The following TRMT9B variants were observed in gnomAD, a reference collection of about 807,000 sequenced individuals.
TRMT9B encodes probable tRNA methyltransferase 9B.
Under a neutral mutation model 11.5 loss-of-function variants are expected in TRMT9B, and 16 were observed. The ratio of observed to expected loss-of-function variants is 1.39; its 90% CI spans 0.94 to 2.11. The LOEUF is 2.11. TRMT9B is among the 30% of genes most tolerant of loss of function. The pLI, the probability that TRMT9B is intolerant of heterozygous loss-of-function variation, is 0.00. For synonymous variants in TRMT9B, 274 were observed against 192.4 expected (o/e 1.42, Z -3.51); for missense variants, 941 against 553.8 (o/e 1.70, Z -7.02).
intron 1 of TRMT9B, among the ~76,000 whole-genome samples, chr8:12,968,790 T>C (rs1169407833): frequency 6.6e-6 from 1 of 152,132 alleles, no homozygotes; most frequent in African/African-American, 2.4e-5. Flanking sequence ...AGGTGCAGTA[T>C]GGTGGGTAGA....
chr8:13,004,559 C>T (rs1202543024), intron 2 of TRMT9B, among the ~76,000 whole-genome samples: 2 of 151,974 alleles, frequency 1.3e-5, no homozygotes, highest in Admixed American at 1.3e-4. Flanking sequence ...CTAGACACAC[C>T]CTGGGCCAGA....
intron 1 of TRMT9B, among the ~76,000 whole-genome samples, chr8:12,966,613 A>G (rs1198223585): frequency 6.6e-6 from 1 of 152,208 alleles, no homozygotes; most frequent in East Asian, 1.9e-4. Flanking sequence ...ATTTATTTAA[A>G]TTGGTCTAAA....
chr8:12,970,942 A>T, intron 1 of TRMT9B, among the ~76,000 whole-genome samples: 1 of 152,360 alleles, frequency 6.6e-6, no homozygotes, highest in Non-Finnish European at 1.5e-5. Context: ...TCAGTCTTAA[A>T]AGAGGAGAGG....
chr8:13,008,808 A>C (rs1033322343), intron 3 of TRMT9B, among the ~76,000 whole-genome samples: 3 of 152,092 alleles, frequency 2.0e-5, no homozygotes, highest in African/African-American at 2.4e-5. Context: ...GGCTCACTGC[A>C]AGCTCCGCCT....
intron 2 of TRMT9B, among the ~76,000 whole-genome samples, chr8:12,998,171 C>T (rs1370858951): frequency 6.6e-6 from 1 of 152,198 alleles, no homozygotes; most frequent in Non-Finnish European, 1.5e-5. Flanking sequence ...ACTACGAATA[C>T]TTCTTCACAC....
At position 13,012,828 on chromosome 8, in the gene TRMT9B, A is replaced by G. The variant is rs780120998; in HGVS notation, c.299A>G (p.Glu100Gly). 5 of 1,613,902 alleles carry G rather than the reference A, an allele frequency of 3.1e-6. No homozygotes were observed. In the Admixed American group the frequency reaches 8.3e-5, roughly 27 times the overall value. Residue 100 changes from glutamate (E) to glycine (G), a missense_variant, in exon 4 of 5, where the codon GAG (glutamate) becomes GGG (glycine). Coordinates refer to ENST00000524591, the MANE Select transcript of TRMT9B (RefSeq NM_020844.3). ...AACCTTAATCTCCCCTTTAGGGATGAGGGCTTCGATGCCATCATCTCCATA... is the reference window on the plus strand; with the variant it reads ...AACCTTAATCTCCCCTTTAGGGATGGGGGCTTCGATGCCATCATCTCCATA... Reference protein sequence around the residue: ...CDNLNLPFRDEGFDAIISIGV... With the variant: ...CDNLNLPFRDGGFDAIISIGV...
intron 1 of TRMT9B, among the ~76,000 whole-genome samples, chr8:12,958,033 C>T (rs1801541914): frequency 1.3e-5 from 2 of 152,056 alleles, no homozygotes; most frequent in Non-Finnish European, 2.9e-5. Flanking sequence ...CCGTTTTCAC[C>T]CGGCTGATAA....
chr8:12,995,763 C>A (rs1400958587), intron 2 of TRMT9B, among the ~76,000 whole-genome samples: 1 of 151,976 alleles, frequency 6.6e-6, no homozygotes, highest in Non-Finnish European at 1.5e-5. Flanking sequence ...CCAATTAGAC[C>A]CAAGTCATTG....
At position 13,021,746 on chromosome 8, in the gene TRMT9B, G is replaced by C; in HGVS notation, c.1067G>C (p.Gly356Ala). 2 of 1,613,974 alleles carry C rather than the reference G, an allele frequency of 1.2e-6. No homozygotes were observed. Among genetic ancestry groups the C allele is most frequent in the Middle Eastern group, 1.6e-4 (1 of 6,062 alleles). ...GGNFLDSTNT[G>A]VNCVDAGNIE... is the part of the protein sequence containing the mutation. The stretch of plus-strand genomic sequence containing the variant: ...AATTTTCTGGATAGCACTAATACTG[G>C]TGTGAATTGTGTGGATGCAGGCAAC... The change falls in exon 5 of 5, where the codon GGT (glycine) becomes GCT (alanine). Residue 356 changes from glycine to alanine, a missense_variant. Physicochemically the swap from Gly to Ala is moderately conservative, Grantham distance 60. Transcript: ENST00000524591.
chr8:13,008,394 C>G (rs1297116094), intron 3 of TRMT9B, among the ~76,000 whole-genome samples: 1 of 152,152 alleles, frequency 6.6e-6, no homozygotes, highest in Non-Finnish European at 1.5e-5. Context: ...GGAAAGGACA[C>G]TTGATTACGG....
chr8:12,988,618 C>G (rs955298088), intron 1 of TRMT9B, among the ~76,000 whole-genome samples: 3 of 152,144 alleles, frequency 2.0e-5, no homozygotes, highest in African/African-American at 7.2e-5. Context: ...GAAAAAATTC[C>G]CTTATAAAAC....
intron 1 of TRMT9B, among the ~76,000 whole-genome samples, chr8:12,957,567 A>G (rs1801475079): frequency 6.6e-6 from 1 of 152,192 alleles, no homozygotes; most frequent in African/African-American, 2.4e-5. Context: ...TAGGGTGATC[A>G]GATGACTTAT....
intron 1 of TRMT9B, among the ~76,000 whole-genome samples, chr8:12,974,258 T>C (rs934461801): frequency 6.6e-6 from 1 of 151,938 alleles, no homozygotes; most frequent in African/African-American, 2.4e-5. Flanking sequence ...TCCCATTAAC[T>C]ACTGAGTTGG....
chr8:12,997,571 C>T (rs1255008595), intron 2 of TRMT9B, among the ~76,000 whole-genome samples: 1 of 152,172 alleles, frequency 6.6e-6, no homozygotes, highest in Non-Finnish European at 1.5e-5. Context: ...CATATGGTTG[C>T]AAACTTCCAT....
At chr8:12,987,152 G>C (rs1478947034) in intron 1 of TRMT9B, among the ~76,000 whole-genome samples, 1 of 152,144 alleles carries the variant, frequency 6.6e-6, no homozygotes, top group Non-Finnish European at 1.5e-5. Flanking sequence ...AATTATCTGG[G>C]TTCAAATCCT....
At chr8:12,982,825 G>C (rs944541247) in intron 1 of TRMT9B, among the ~76,000 whole-genome samples, 3 of 152,120 alleles carry the variant, frequency 2.0e-5, no homozygotes, top group Non-Finnish European at 4.4e-5. Context: ...CATGTGACTG[G>C]TTGCAGTCAA....
chr8:13,022,163 A>G lies in TRMT9B; in HGVS notation c.*119A>G, dbSNP rs1814071383. 2.9e-6 allele frequency: 2 copies of G among 698,400 alleles called. No individual in the cohort carries two copies. Among genetic ancestry groups the G allele is most frequent in the East Asian group, 5.8e-5 (2 of 34,756 alleles). 43.3% of individuals were successfully genotyped at this position (698,400 alleles called of 1,614,324 possible). A position where few individuals can be genotyped will look rare whatever the true frequency, so the allele number is the denominator to read the frequency against. On this transcript the variant is annotated 3_prime_UTR_variant, in exon 5 of 5. Coordinates refer to ENST00000524591, the MANE Select transcript of TRMT9B (RefSeq NM_020844.3). The stretch of plus-strand genomic sequence containing the variant: ...TTAATCCATTTACGCTTTGGTCTGC[A>G]GAGACTATTAATTATTTGGTTGTTT...
At chr8:12,949,466 C>A (rs536470876) in intron 1 of TRMT9B, among the ~76,000 whole-genome samples, 1 of 152,230 alleles carries the variant, frequency 6.6e-6, no homozygotes, top group Admixed American at 6.5e-5. Flanking sequence ...CTCTGGTGTA[C>A]AAATTTTCTT....
In TRMT9B at chr8:13,022,989, A is replaced by T. The variant is rs1201366479; in HGVS notation, c.*945A>T. 6.0e-6 allele frequency: 1 copy of T among 166,562 alleles called. No homozygotes were observed. Among genetic ancestry groups the T allele is most frequent in the African/African-American group, 2.4e-5 (1 of 41,426 alleles). 10.3% of individuals were successfully genotyped at this position (166,562 alleles called of 1,614,324 possible). On this transcript the variant is annotated 3_prime_UTR_variant, in exon 5 of 5. Coordinates refer to ENST00000524591, the MANE Select transcript of TRMT9B (RefSeq NM_020844.3). ...CATAGCAAGACTCTGTCTCAAAATA[A>T]TAATAATAATAATAATAAAGGCGTT... is the stretch of plus-strand genomic sequence containing the variant.
Sources: allele counts gnomAD v4.1 joint callset (sites outside exome capture counted in the v4.1 genomes callset), GRCh38; gene constraint gnomAD v4.1.1; transcripts MANE v1.5; gene names NCBI Gene and HGNC (gene_info 2026-07-23, HGNC 2026-07-21).